The following CDK5RAP2 variants were observed in gnomAD, a reference collection of about 807,000 sequenced individuals.
CDK5RAP2 encodes the protein CDK5 regulatory subunit-associated protein 2.
CDK5RAP2 carries 147 observed loss-of-function variants against 232.9 expected under a neutral mutation model. That is an observed-to-expected ratio of 0.63 (90% CI 0.55 to 0.72). The LOEUF is 0.72. Ranked by LOEUF, CDK5RAP2 falls within the 30% of genes least tolerant of loss-of-function variation. CDK5RAP2 has a pLI of 0.00. For synonymous variants in CDK5RAP2, 833 were observed against 833.7 expected, an observed-to-expected ratio of 1.00 and a Z score of 0.01; for missense variants, 2,195 against 2,231.5, an observed-to-expected ratio of 0.98 and a Z score of 0.33.
At chr9:120,458,324 T>C in intron 20 of CDK5RAP2, 126 bp downstream of exon 20, 1 of 919,744 alleles carries the variant, frequency 1.1e-6, no homozygotes, top group Non-Finnish European at 1.7e-6. Flanking sequence ...CAAGATTCCT[T>C]CCAAGCCATT....
At chr9:120,524,025 A>C (rs1047343535) in intron 11 of CDK5RAP2, among the ~76,000 whole-genome samples, 1 of 152,152 alleles carries the variant, frequency 6.6e-6, no homozygotes. Context: ...GTAAAAGCAC[A>C]GTCTTTGGAG....
intron 1 of CDK5RAP2, 89 bp from the exon 2 acceptor site, chr9:120,572,130 C>G (rs1472137114): frequency 1.9e-6 from 2 of 1,036,086 alleles, no homozygotes; most frequent in Non-Finnish European, 3.0e-6. Context: ...GACAATCATC[C>G]CATGGCCAGG....
At chr9:120,577,764 G>C (rs1461668225) in intron 1 of CDK5RAP2, among the ~76,000 whole-genome samples, 2 of 152,146 alleles carry the variant, frequency 1.3e-5, no homozygotes, top group Non-Finnish European at 1.5e-5. Context: ...CACAGATGAT[G>C]AGTGACTTGC....
intron 12 of CDK5RAP2, among the ~76,000 whole-genome samples, chr9:120,515,705 G>A (rs556778772): frequency 2.2e-4 from 34 of 152,082 alleles, no homozygotes; most frequent in East Asian, 7.7e-4. Flanking sequence ...AAAAGTGGGC[G>A]AAGGATATGA....
chr9:120,403,524 T>C lies in CDK5RAP2; in HGVS notation c.5042-453A>G, dbSNP rs1370608647. The C allele has an allele frequency of 1.1e-5, 3 of 276,910 alleles. No homozygotes were observed. The highest frequency in any genetic ancestry group is 2.1e-5 in the Non-Finnish European group (3 of 143,428). 17.2% of individuals were successfully genotyped at this position (276,910 alleles called of 1,614,324 possible). ...CAGCATTTGAACTGGATTGAGCAAG[T>C]AGCAAGAATTACACGAATGATGAGT... is the stretch of plus-strand genomic sequence containing the variant. On this transcript the variant is annotated intron_variant, in intron 33 of 37. Coordinates refer to ENST00000349780, the MANE Select transcript of CDK5RAP2 (RefSeq NM_018249.6). This position sits in a 1 kb window ranked among gnomAD's most constrained non-coding sequence, Gnocchi z 4.2.
intron 15 of CDK5RAP2, 61 bp downstream of exon 15, chr9:120,477,281 GTGCGTGTA>G: frequency 9.1e-7 from 1 of 1,094,378 alleles, no homozygotes; most frequent in East Asian, 2.4e-5. Flanking sequence ...GAAAGGGTGT[GTGCGTGTA>G]TGCGCGTGCA....
chr9:120,428,792 G>A (rs1319126599), intron 25 of CDK5RAP2, among the ~76,000 whole-genome samples: 2 of 152,210 alleles, frequency 1.3e-5, no homozygotes, highest in Admixed American at 6.5e-5. Flanking sequence ...AAGCCGGGCA[G>A]AGACACAGCC....
chr9:120,536,701 C>G, intron 6 of CDK5RAP2, 175 bp from the exon 7 acceptor site: 1 of 722,692 alleles, frequency 1.4e-6, no homozygotes, highest in Non-Finnish European at 2.4e-6. Flanking sequence ...AGCCATTTTT[C>G]CCTCTTGTAT....
intron 24 of CDK5RAP2, among the ~76,000 whole-genome samples, chr9:120,438,058 A>T (rs1483032742): frequency 6.6e-6 from 1 of 152,214 alleles, no homozygotes; most frequent in African/African-American, 2.4e-5. Context: ...TCTTCCAACA[A>T]ATGTATAAAT....
At chr9:120,471,457 G>T (rs1180564790) in intron 16 of CDK5RAP2, among the ~76,000 whole-genome samples, 1 of 152,198 alleles carries the variant, frequency 6.6e-6, no homozygotes, top group South Asian at 2.1e-4. Flanking sequence ...CCCCAAAAAA[G>T]GGGATTGCAA....
chr9:120,473,395 T>C (rs1446628532), intron 15 of CDK5RAP2, among the ~76,000 whole-genome samples: 1 of 152,178 alleles, frequency 6.6e-6, no homozygotes, highest in Non-Finnish European at 1.5e-5. Flanking sequence ...TTTCATCAGA[T>C]TTTTCAAAAG....
intron 11 of CDK5RAP2, 25 bp from the exon 12 acceptor site, chr9:120,518,670 G>C (rs1158797195): frequency 6.3e-7 from 1 of 1,597,346 alleles, no homozygotes; most frequent in Admixed American, 1.7e-5. Flanking sequence ...AGAGAAGCAA[G>C]ATGAGCTAAT....
intron 25 of CDK5RAP2, among the ~76,000 whole-genome samples, chr9:120,429,890 T>C (rs924360583): frequency 6.6e-6 from 1 of 152,176 alleles, no homozygotes; most frequent in Non-Finnish European, 1.5e-5. Flanking sequence ...CAAAACAGCA[T>C]GGTACTGGCA....
chr9:120,460,809 C>A, intron 18 of CDK5RAP2, 142 bp from the exon 19 acceptor site: 1 of 1,404,730 alleles, frequency 7.1e-7, no homozygotes, highest in South Asian at 1.3e-5. Context: ...AATGCCAAAG[C>A]CATGAAATAA....
chr9:120,414,584 G>A (rs2034091700), intron 28 of CDK5RAP2, among the ~76,000 whole-genome samples: 1 of 152,126 alleles, frequency 6.6e-6, no homozygotes, highest in Non-Finnish European at 1.5e-5. Context: ...AGGGTTAATG[G>A]GTAAAGAATG....
chr9:120,503,785 C>G (rs1164101056), intron 12 of CDK5RAP2, among the ~76,000 whole-genome samples: 1 of 152,090 alleles, frequency 6.6e-6, no homozygotes, highest in Admixed American at 6.6e-5. Flanking sequence ...CTCTCTGTCC[C>G]CACATACAAC....
chr9:120,561,498 C>A (rs1427852483), intron 3 of CDK5RAP2, among the ~76,000 whole-genome samples: 1 of 151,976 alleles, frequency 6.6e-6, no homozygotes, highest in Admixed American at 6.6e-5. Flanking sequence ...TGGGGTCTCA[C>A]TTTGTGACCC....
intron 5 of CDK5RAP2, among the ~76,000 whole-genome samples, chr9:120,539,468 G>A (rs1588608369): frequency 6.6e-6 from 1 of 152,036 alleles, no homozygotes. Flanking sequence ...AATATACTAC[G>A]AACATTCTTT....
At chr9:120,541,097 G>A (rs967335434) in intron 5 of CDK5RAP2, among the ~76,000 whole-genome samples, 11 of 152,084 alleles carry the variant, frequency 7.2e-5, no homozygotes, top group African/African-American at 2.7e-4. Flanking sequence ...CTTCCTTCCC[G>A]AGCCTTGGCT....
Sources: allele counts gnomAD v4.1 joint callset (sites outside exome capture counted in the v4.1 genomes callset), GRCh38; gene constraint gnomAD v4.1.1; non-coding constraint Gnocchi (gnomAD v3.1); transcripts MANE v1.5; gene names NCBI Gene and HGNC (gene_info 2026-07-23, HGNC 2026-07-21).